The following PLEKHH1 variants were observed in gnomAD, a reference collection of about 807,000 sequenced individuals.
PLEKHH1 encodes pleckstrin homology, MyTH4 and FERM domain containing H1, also known as pleckstrin homology domain-containing family H member 1.
PLEKHH1 carries 104 observed loss-of-function variants against 160.0 expected under a neutral mutation model. The ratio of observed to expected loss-of-function variants is 0.65; its 90% CI spans 0.55 to 0.76. The LOEUF is 0.76. Among genes scored for constraint, PLEKHH1 ranks in the 30% least tolerant of loss-of-function variants. PLEKHH1 has a pLI of 0.00. For missense variants in PLEKHH1, 1,427 were observed against 1,724.1 expected (o/e 0.83, Z 3.05); for synonymous variants, 619 against 678.4 (o/e 0.91, Z 1.36).
Position 67,559,711 on chromosome 14 carries a change from T to C in PLEKHH1, c.423+20T>C. 1.3e-6 allele frequency: 2 copies of C among 1,540,922 alleles called. No individual in the cohort carries two copies. The highest frequency in any genetic ancestry group is 1.8e-6 in the Non-Finnish European group (2 of 1,122,946). Reference sequence around the variant, plus strand: ...GCAAAGGTGGGTTGGAAACTCATCTTGGAGGCCTGCCAGAGGCATGGCTGG... The same window carrying C: ...GCAAAGGTGGGTTGGAAACTCATCTCGGAGGCCTGCCAGAGGCATGGCTGG... On this transcript the variant is annotated intron_variant, in intron 5 of 28. Transcript: ENST00000329153.
In PLEKHH1 at chr14:67,585,630, C is replaced by T. The variant is rs1473895608; in HGVS notation, c.3762C>T (p.Val1254=). 1.3e-6 allele frequency: 2 copies of T among 1,576,892 alleles called. No homozygotes were observed. Among genetic ancestry groups the T allele is most frequent in the African/African-American group, 2.7e-5 (2 of 74,248 alleles). Residue 1254 remains valine (V), a synonymous_variant, in exon 27 of 29, where the codon GTC becomes GTT. Coordinates refer to ENST00000329153, the MANE Select transcript of PLEKHH1 (RefSeq NM_020715.3). ...LVWIAVNEDG[V]SILDHNTMQV... Reference sequence around the variant, plus strand: ...GGATTGCTGTGAATGAGGATGGCGTCAGCATCCTGGACCACAACACTATGG... The same window carrying T: ...GGATTGCTGTGAATGAGGATGGCGTTAGCATCCTGGACCACAACACTATGG...
chr14:67,576,527 G>A lies in PLEKHH1; in HGVS notation c.2461+24G>A. On this transcript the variant is annotated intron_variant, in intron 17 of 28. Coordinates refer to ENST00000329153, the MANE Select transcript of PLEKHH1 (RefSeq NM_020715.3). The surrounding 1 kb of genome is among the most constrained non-coding windows in gnomAD (Gnocchi z 4.0). ...AGGTAAGGCAAGGGTGGCCACCACT[G>A]CTTGGGTTGGAGGGTAGTGGCTTGG... 5.1e-6 allele frequency: 6 copies of A among 1,180,090 alleles called. No individual in the cohort carries two copies. Among genetic ancestry groups the A allele is most frequent in the Non-Finnish European group, 7.6e-6 (6 of 785,210 alleles). The allele number at this position is 1,180,090 out of a possible 1,614,324, so 73.1% of individuals were successfully genotyped here.
chr14:67,551,445 G>A (rs1201700878), intron 2 of PLEKHH1, among the ~76,000 whole-genome samples: 1 of 152,034 alleles, frequency 6.6e-6, no homozygotes, highest in Non-Finnish European at 1.5e-5. Flanking sequence ...GATCCTAGGA[G>A]GTGTCATTAT....
intron 2 of PLEKHH1, among the ~76,000 whole-genome samples, chr14:67,550,444 C>T (rs180910552): frequency 6.6e-6 from 1 of 152,368 alleles, no homozygotes; most frequent in Admixed American, 6.5e-5. Context: ...CCGCCTCGGC[C>T]TCCCAAAGTG....
At chr14:67,561,018 A>C (rs945186368) in intron 5 of PLEKHH1, among the ~76,000 whole-genome samples, 1 of 152,166 alleles carries the variant, frequency 6.6e-6, no homozygotes, top group Non-Finnish European at 1.5e-5. Flanking sequence ...GGTGTGAGCC[A>C]CCACACCCGG....
chr14:67,571,954 T>A, intron 10 of PLEKHH1, 52 bp downstream of exon 10: 1 of 1,553,772 alleles, frequency 6.4e-7, no homozygotes, highest in Non-Finnish European at 8.7e-7. Flanking sequence ...GCCCCTCACC[T>A]CTTCCCATGG....
Position 67,571,805 on chromosome 14 carries a change from C to T in PLEKHH1, c.1488C>T (p.Asp496=), listed in dbSNP as rs372117860. 27 of 1,613,758 alleles carry T rather than the reference C, an allele frequency of 1.7e-5. No individual in the cohort carries two copies. In the Middle Eastern group the frequency reaches 4.9e-4, roughly 29 times the overall value. Residue 496 remains aspartate (D), a synonymous_variant, in exon 10 of 29, where the codon GAC becomes GAT. Transcript: ENST00000329153. ...TTATGGACGAGTCCTCTGGGTCTGA[C>T]GATGACTGCAGCTCTCAGGCGAGTT... ...MPFMDESSGS[D]DDCSSQASFR... is the part of the protein sequence containing the mutation.
chr14:67,549,723 C>T (rs973354639), intron 2 of PLEKHH1, among the ~76,000 whole-genome samples: 1 of 152,196 alleles, frequency 6.6e-6, no homozygotes, highest in African/African-American at 2.4e-5. Context: ...GGCTGCATCC[C>T]TGAAGGAGTC....
At chr14:67,536,652 AG>A (rs1010559096) in intron 1 of PLEKHH1, among the ~76,000 whole-genome samples, 5 of 151,912 alleles carry the variant, frequency 3.3e-5, no homozygotes, top group African/African-American at 1.2e-4. Context: ...CAGGATATTC[AG>A]GCTGTAGACT....
At position 67,540,501 on chromosome 14, in the gene PLEKHH1, C is replaced by G. The variant is rs139153552; in HGVS notation, c.-34-1333C>G. Among the ~76,000 whole-genome samples the G allele has an allele frequency of 7.9e-5, 12 of 152,016 alleles. No homozygotes were observed. The East Asian group carries it at 2.3e-3, about 29-fold the overall frequency. On this transcript the variant is annotated intron_variant, in intron 1 of 28. Transcript: ENST00000329153. ...AATTAGCCAGGCTTGATGGTGCACG[C>G]CTGTAATCCAGCTTCTCAGGAGGCT...
At chr14:67,560,948 C>T (rs1310103988) in intron 5 of PLEKHH1, among the ~76,000 whole-genome samples, 1 of 152,180 alleles carries the variant, frequency 6.6e-6, no homozygotes, top group Non-Finnish European at 1.5e-5. Context: ...CCAGGCTAGT[C>T]TTGAACTCCT....
intron 2 of PLEKHH1, among the ~76,000 whole-genome samples, chr14:67,550,287 C>T (rs949712571): frequency 1.1e-4 from 17 of 152,172 alleles, no homozygotes; most frequent in Non-Finnish European, 2.1e-4. Flanking sequence ...CCCCGAGGCT[C>T]AAGCAATCCT....
chr14:67,559,448 G>T (rs1236737946), intron 4 of PLEKHH1, among the ~76,000 whole-genome samples, 160 bp from the exon 5 acceptor site: 1 of 152,060 alleles, frequency 6.6e-6, no homozygotes, highest in Non-Finnish European at 1.5e-5. Context: ...TTTAAATTTT[G>T]TGTTACCTTA....
At chr14:67,571,437 A>G (rs543499512) in intron 9 of PLEKHH1, 1 of 276,772 alleles carries the variant, frequency 3.6e-6, no homozygotes, top group Non-Finnish European at 7.1e-6. Flanking sequence ...CGCATGGCAC[A>G]CTTAGTCTGT....
In PLEKHH1 at chr14:67,575,894, G is replaced by C; in HGVS notation, c.2241G>C (p.Glu747Asp). The C allele has an allele frequency of 6.2e-7, 1 of 1,613,932 alleles. No homozygotes were observed. The highest frequency in any genetic ancestry group is 1.1e-5 in the South Asian group (1 of 91,076). ...EEVDRSCDSD[E>D]DYEAGGTRRL... Reference sequence around the variant, plus strand: ...TAGATCGATCCTGTGACTCAGACGAGGACTATGAGGCTGGAGGAACCAGAC... The same window carrying C: ...TAGATCGATCCTGTGACTCAGACGACGACTATGAGGCTGGAGGAACCAGAC... The change falls in exon 16 of 29, where the codon GAG (glutamate) becomes GAC (aspartate). Residue 747 changes from glutamate to aspartate, a missense_variant. Coordinates refer to ENST00000329153, the MANE Select transcript of PLEKHH1 (RefSeq NM_020715.3).
In PLEKHH1 at chr14:67,574,768, A is replaced by T. The variant is rs1160354525; in HGVS notation, c.2088+365A>T. Reference sequence around the variant, plus strand: ...GGTAGGTATGGCTCCTCAAAGACTTAAAGTATCCCAGGCCTGCCCTAAAGA... The same window carrying T: ...GGTAGGTATGGCTCCTCAAAGACTTTAAGTATCCCAGGCCTGCCCTAAAGA... On this transcript the variant is annotated intron_variant, in intron 14 of 28. Transcript: ENST00000329153. The surrounding 1 kb of genome is among the most constrained non-coding windows in gnomAD (Gnocchi z 4.2). 6.6e-6 allele frequency among the ~76,000 whole-genome samples: 1 copy of T among 152,118 alleles called. No homozygotes were observed. Among genetic ancestry groups the T allele is most frequent in the Admixed American group, 6.5e-5 (1 of 15,272 alleles).
intron 2 of PLEKHH1, among the ~76,000 whole-genome samples, chr14:67,544,821 G>T (rs2034113405): frequency 6.6e-6 from 1 of 152,210 alleles, no homozygotes; most frequent in Non-Finnish European, 1.5e-5. Context: ...AAATCATCCA[G>T]AATGCTGCCT....
At chr14:67,568,383 G>A (rs1049756818) in intron 7 of PLEKHH1, among the ~76,000 whole-genome samples, 2 of 152,082 alleles carry the variant, frequency 1.3e-5, no homozygotes, top group African/African-American at 2.4e-5. Context: ...CTTACAAGTG[G>A]GAGCTGGACA....
At chr14:67,541,480 C>G (rs895259688) in intron 1 of PLEKHH1, among the ~76,000 whole-genome samples, 1 of 152,238 alleles carries the variant, frequency 6.6e-6, no homozygotes, top group African/African-American at 2.4e-5. Flanking sequence ...AGCACAGGGT[C>G]AGGCATATAA....
Sources: allele counts gnomAD v4.1 joint callset (sites outside exome capture counted in the v4.1 genomes callset), GRCh38; gene constraint gnomAD v4.1.1; non-coding constraint Gnocchi (gnomAD v3.1); transcripts MANE v1.5; gene names NCBI Gene and HGNC (gene_info 2026-07-23, HGNC 2026-07-21).